FGGY: variants seen among roughly 807,000 people sequenced by gnomAD.
FGGY encodes FGGY carbohydrate kinase domain containing, also known as FGGY carbohydrate kinase domain-containing protein.
Under a neutral mutation model 71.3 loss-of-function variants are expected in FGGY, and 72 were observed. The ratio of observed to expected loss-of-function variants is 1.01; its 90% confidence interval spans 0.84 to 1.23. The LOEUF (loss-of-function observed/expected upper bound fraction) is 1.23, where lower values mean the gene tolerates loss of function less well. Among genes scored for constraint, FGGY ranks in the 50% most tolerant of loss-of-function variants. The probability of loss-of-function intolerance (pLI) is 0.00; values close to 1 mark genes in which losing one functional copy is unlikely to be tolerated. For synonymous variants in FGGY, 251 were observed against 250.3 expected (o/e 1.00, Z -0.02); for missense variants, 668 against 682.3 (o/e 0.98, Z 0.23).
In FGGY at chr1:59,607,911, G is replaced by A. The variant is rs370201173; in HGVS notation, c.1011+1G>A. On this transcript the variant is annotated splice_donor_variant, in intron 9 of 15. Transcript: ENST00000303721. LOFTEE classifies it high-confidence loss of function. ...TGGTCAGAGCGTTACTGGAAAATTG[G>A]TAAGTTGACACTTTCTCAATAGGGT... The A allele has an allele frequency of 2.5e-5, 40 of 1,611,278 alleles. No individual in the cohort carries two copies. The African/African-American group carries it at 5.1e-4, about 20-fold the overall frequency.
chr1:59,358,573 C>T (rs1353408203), intron 4 of FGGY, among the ~76,000 whole-genome samples: 1 of 152,152 alleles, frequency 6.6e-6, no homozygotes, highest in Non-Finnish European at 1.5e-5. Flanking sequence ...TACTCAGAGC[C>T]ATCACCTAGA....
chr1:59,534,988 C>G (rs968966054), intron 7 of FGGY, among the ~76,000 whole-genome samples: 117 of 151,416 alleles, frequency 7.7e-4, no homozygotes, highest in Admixed American at 3.4e-3. Flanking sequence ...ACAATATTAA[C>G]TTTAAATGTA....
intron 4 of FGGY, among the ~76,000 whole-genome samples, chr1:59,373,891 A>T (rs994376300): frequency 2.0e-5 from 3 of 152,350 alleles, no homozygotes; most frequent in Non-Finnish European, 4.4e-5. Flanking sequence ...TACACCCTAT[A>T]CAAAAATTAA....
chr1:59,494,821 A>G (rs2093982039), intron 6 of FGGY, among the ~76,000 whole-genome samples: 1 of 152,204 alleles, frequency 6.6e-6, no homozygotes, highest in Admixed American at 6.5e-5. Flanking sequence ...AAAATTCTTT[A>G]TAGTAGAACA....
intron 5 of FGGY, among the ~76,000 whole-genome samples, chr1:59,421,645 A>G (rs758964384): frequency 1.3e-5 from 2 of 151,762 alleles, no homozygotes; most frequent in Admixed American, 6.6e-5. Flanking sequence ...TGGGCTGACA[A>G]GAAGAGGATG....
At chr1:59,610,138 T>C (rs1401041278) in intron 9 of FGGY, among the ~76,000 whole-genome samples, 2 of 152,208 alleles carry the variant, frequency 1.3e-5, no homozygotes, top group Non-Finnish European at 2.9e-5. Flanking sequence ...CATAGGAATA[T>C]GTGTGCCATG....
At chr1:59,752,959 A>G (rs113604066) in intron 14 of FGGY, among the ~76,000 whole-genome samples, 1 of 152,254 alleles carries the variant, frequency 6.6e-6, no homozygotes, top group African/African-American at 2.4e-5. Context: ...GAGAGAAAGA[A>G]AAGAAGTGAT....
intron 14 of FGGY, among the ~76,000 whole-genome samples, chr1:59,753,477 T>G (rs1016123215): frequency 1.4e-5 from 1 of 69,830 alleles, no homozygotes; most frequent in South Asian, 5.2e-4. Context: ...AATATATATA[T>G]ATATATATAT....
rs748398465 is a variant in FGGY, at chr1:59,449,651, G to GTTTGT, written c.555-7291_555-7287dup. ...TTTATATTGAAAATAAGTATTTTTT[G>GTTTGT]TTTGTTTTGTTTTGTTTTGTTTTTA... On this transcript the variant is annotated intron_variant, in intron 5 of 15. Transcript: ENST00000303721. 3.3e-5 allele frequency among the ~76,000 whole-genome samples: 5 copies of GTTTGT among 152,020 alleles called. No individual in the cohort carries two copies. The South Asian group carries it at 8.3e-4, about 25-fold the overall frequency.
In FGGY at chr1:59,711,233, T is replaced by C. The variant is rs1266211258; in HGVS notation, c.1512+37100T>C. Among the ~76,000 whole-genome samples, 3 of 152,070 alleles carry C rather than the reference T, an allele frequency of 2.0e-5. No individual in the cohort carries two copies. In the South Asian group the frequency reaches 6.2e-4, roughly 32 times the overall value. On this transcript the variant is annotated intron_variant, in intron 14 of 15. Coordinates refer to ENST00000303721, the MANE Select transcript of FGGY (RefSeq NM_018291.5). ...ACATGTTCTCACTCATAAGTGGTAG[T>C]TGAACAATGAGAACATATGGGCACA...
intron 14 of FGGY, among the ~76,000 whole-genome samples, chr1:59,708,628 T>C (rs977292509): frequency 2.0e-5 from 3 of 152,204 alleles, no homozygotes; most frequent in African/African-American, 7.2e-5. Context: ...GTAGATATTA[T>C]TATCTTCATT....
intron 4 of FGGY, among the ~76,000 whole-genome samples, chr1:59,370,251 G>A (rs979481348): frequency 3.3e-5 from 5 of 152,176 alleles, no homozygotes; most frequent in African/African-American, 1.2e-4. Context: ...CAAGGCTCGA[G>A]AACCACGTGA....
intron 11 of FGGY, among the ~76,000 whole-genome samples, chr1:59,658,478 G>A (rs999778605): frequency 6.6e-6 from 1 of 152,180 alleles, no homozygotes; most frequent in Non-Finnish European, 1.5e-5. Context: ...CTGTCAGCAG[G>A]TAGCTCTACT....
intron 7 of FGGY, among the ~76,000 whole-genome samples, chr1:59,547,731 T>A (rs997818386): frequency 2.0e-5 from 3 of 152,186 alleles, no homozygotes; most frequent in African/African-American, 7.2e-5. Context: ...GTTGTGAGGC[T>A]CCAGTAATTA....
chr1:59,387,345 A>T (rs1157737003), intron 5 of FGGY, among the ~76,000 whole-genome samples: 2 of 152,118 alleles, frequency 1.3e-5, no homozygotes, highest in Non-Finnish European at 2.9e-5. Flanking sequence ...ATAGTATCCT[A>T]TCCTATGTCA....
chr1:59,488,434 C>T (rs949744835), intron 6 of FGGY, among the ~76,000 whole-genome samples: 2 of 150,520 alleles, frequency 1.3e-5, no homozygotes, highest in Non-Finnish European at 3.0e-5. Context: ...CAGCATTTAC[C>T]TCCAAGAGAT....
intron 7 of FGGY, among the ~76,000 whole-genome samples, chr1:59,550,367 C>T (rs1232670010): frequency 6.6e-6 from 1 of 152,020 alleles, no homozygotes; most frequent in Admixed American, 6.6e-5. Context: ...GATAGCCCAT[C>T]AAAGCACTGT....
chr1:59,486,399 G>A (rs2093659566), intron 6 of FGGY, among the ~76,000 whole-genome samples: 1 of 152,208 alleles, frequency 6.6e-6, no homozygotes, highest in African/African-American at 2.4e-5. Flanking sequence ...ATCAAAAGAG[G>A]AGGGGAGCTT....
rs1182665808 is a variant in FGGY at position 59,398,526 on chromosome 1, A to T, written c.554+19689A>T. ...AGTTCTGGTATTACAGGCATGAGCC[A>T]CCATGCCCAGGTTGTAAAAGTATTT... On this transcript the variant is annotated intron_variant, in intron 5 of 15. Coordinates refer to ENST00000303721, the MANE Select transcript of FGGY (RefSeq NM_018291.5). Among the ~76,000 whole-genome samples, 11 of 152,314 alleles carry T rather than the reference A, an allele frequency of 7.2e-5. No individual in the cohort carries two copies. In the South Asian group the frequency reaches 2.3e-3, roughly 32 times the overall value.
Sources: gnomAD v4.1 joint callset for allele counts (sites outside exome capture counted in the v4.1 genomes callset) on GRCh38, gnomAD v4.1.1 for gene constraint, MANE v1.5 for transcripts, NCBI Gene and HGNC (gene_info 2026-07-23, HGNC 2026-07-21) for gene names.